Variants in ITPKB observed in about 807,000 individuals in gnomAD.
ITPKB encodes inositol-trisphosphate 3-kinase B, also known as IP3 3-kinase B.
In ITPKB, 13 loss-of-function variants were observed where a neutral mutation model predicts 69.4. The observed-to-expected ratio is 0.19, with a 90% CI of 0.12 to 0.30. The LOEUF (loss-of-function observed/expected upper bound fraction) is 0.30, where lower values mean the gene tolerates loss of function less well. Among genes scored for constraint, ITPKB ranks in the 10% least tolerant of loss-of-function variants. The probability of loss-of-function intolerance (pLI) is 1.00; values close to 1 mark genes in which losing one functional copy is unlikely to be tolerated. For synonymous variants in ITPKB, 584 were observed against 513.7 expected (o/e 1.14, Z -1.85); for missense variants, 1,240 against 1,250.5 (o/e 0.99, Z 0.13).
intron 2 of ITPKB, among the ~76,000 whole-genome samples, chr1:226,660,636 A>AGGCCTCGCAGAGCTCACACCAGG (rs539792165): frequency 3.9e-5 from 6 of 152,148 alleles, no homozygotes; most frequent in South Asian, 2.1e-4. Context: ...TGCTGAACAG[A>AGGCCTCGCAGAGCTCACACCAGG]GGCCTCGCAG....
intron 3 of ITPKB, 64 bp from the exon 4 acceptor site, chr1:226,647,444 C>G (rs1281300262): frequency 2.4e-6 from 3 of 1,254,006 alleles, no homozygotes; most frequent in Non-Finnish European, 3.4e-6. Context: ...GGCACCCTCC[C>G]CAGCACAGGG....
At chr1:226,635,042 C>T (rs552139561) in intron 7 of ITPKB, among the ~76,000 whole-genome samples, 156 bp from the exon 8 acceptor site, 4 of 152,294 alleles carry the variant, frequency 2.6e-5, no homozygotes, top group Admixed American at 6.5e-5. Context: ...GCAGCAGAGC[C>T]GGCCCAAGAA....
chr1:226,645,693 T>G (rs778786226), intron 4 of ITPKB, among the ~76,000 whole-genome samples: 3 of 152,172 alleles, frequency 2.0e-5, no homozygotes, highest in Non-Finnish European at 4.4e-5. Flanking sequence ...CACCAGTGGA[T>G]GCCATCCTGG....
intron 2 of ITPKB, among the ~76,000 whole-genome samples, chr1:226,731,812 C>T (rs1177376647): frequency 6.6e-6 from 1 of 152,080 alleles, no homozygotes; most frequent in Non-Finnish European, 1.5e-5. Context: ...AAGAAGGGTA[C>T]CCCATCTTCA....
At chr1:226,716,428 A>C (rs1657097721) in intron 2 of ITPKB, among the ~76,000 whole-genome samples, 1 of 151,632 alleles carries the variant, frequency 6.6e-6, no homozygotes, top group Non-Finnish European at 1.5e-5. Flanking sequence ...ATTTTATTTG[A>C]AGTTCTAGGA....
At chr1:226,691,017 A>G (rs1049381481) in intron 2 of ITPKB, among the ~76,000 whole-genome samples, 2 of 152,210 alleles carry the variant, frequency 1.3e-5, no homozygotes, top group African/African-American at 4.8e-5. Context: ...AAAATAGGCA[A>G]ATTCACAAAG....
At position 226,637,888 on chromosome 1, in the gene ITPKB, G is replaced by A. The variant is rs984868975; in HGVS notation, c.2554-138C>T. ...CGGACATCTAGAGGCAGCTTCCTGC[G>A]AGCAGGGCTGCTGTGGCGTCTTTCT... On this transcript the variant is annotated intron_variant, in intron 6 of 7. Transcript: ENST00000429204. This position sits in a 1 kb window ranked among gnomAD's most constrained non-coding sequence, Gnocchi z 4.3. 1.8e-5 allele frequency: 12 copies of A among 669,394 alleles called. No individual in the cohort carries two copies. The highest frequency in any genetic ancestry group is 2.2e-5 in the Non-Finnish European group (8 of 368,460). 41.5% of individuals were successfully genotyped at this position (669,394 alleles called of 1,614,324 possible).
intron 2 of ITPKB, among the ~76,000 whole-genome samples, chr1:226,718,742 T>C (rs1178805061): frequency 6.6e-6 from 1 of 152,236 alleles, no homozygotes; most frequent in African/African-American, 2.4e-5. Context: ...GTGGAGAAGC[T>C]GCAGCACTCA....
chr1:226,679,961 G>A (rs906608175), intron 2 of ITPKB, among the ~76,000 whole-genome samples: 2 of 152,150 alleles, frequency 1.3e-5, no homozygotes, highest in Admixed American at 1.3e-4. Flanking sequence ...GGGAGAAAAG[G>A]GAACTGCAAA....
At chr1:226,704,097 C>T (rs907150310) in intron 2 of ITPKB, among the ~76,000 whole-genome samples, 10 of 152,154 alleles carry the variant, frequency 6.6e-5, no homozygotes, top group Non-Finnish European at 1.2e-4. Flanking sequence ...GAGGGTCGGA[C>T]TCTAAATACT....
chr1:226,690,956 G>A (rs1456958064), intron 2 of ITPKB, among the ~76,000 whole-genome samples: 1 of 152,156 alleles, frequency 6.6e-6, no homozygotes, highest in Non-Finnish European at 1.5e-5. Flanking sequence ...CATGAAATAA[G>A]CCAGACACAA....
chr1:226,638,975 T>G (rs976603727), intron 6 of ITPKB, among the ~76,000 whole-genome samples: 3 of 151,484 alleles, frequency 2.0e-5, no homozygotes, highest in Admixed American at 6.6e-5. Flanking sequence ...GCACATCGCC[T>G]TCTTCTTTAC....
intron 2 of ITPKB, among the ~76,000 whole-genome samples, chr1:226,687,229 T>C (rs949020475): frequency 6.6e-6 from 1 of 152,128 alleles, no homozygotes; most frequent in Non-Finnish European, 1.5e-5. Context: ...AAGGCAGAAA[T>C]AGTGCAGAAT....
chr1:226,674,127 G>A (rs976470949), intron 2 of ITPKB, among the ~76,000 whole-genome samples: 3 of 152,162 alleles, frequency 2.0e-5, no homozygotes, highest in African/African-American at 7.2e-5. Context: ...AAAGCTGTAA[G>A]AAAAACTGAG....
intron 2 of ITPKB, among the ~76,000 whole-genome samples, chr1:226,655,247 G>A (rs778647328): frequency 3.3e-5 from 5 of 152,236 alleles, no homozygotes; most frequent in Non-Finnish European, 5.9e-5. Flanking sequence ...AAATGAAAAT[G>A]AGGGGTCCCT....
intron 2 of ITPKB, among the ~76,000 whole-genome samples, chr1:226,667,853 T>TGTGTGTGTGC (rs1491424205): frequency 7.1e-6 from 1 of 141,666 alleles, no homozygotes; most frequent in African/African-American, 2.6e-5. Context: ...TGTGTGTGTG[T>TGTGTGTGTGC]GCGCGCGCGC....
intron 2 of ITPKB, among the ~76,000 whole-genome samples, chr1:226,654,458 C>T (rs1410368386): frequency 2.0e-5 from 3 of 152,184 alleles, no homozygotes; most frequent in African/African-American, 7.2e-5. Context: ...TTCCCCTTTT[C>T]CCAGAAGTTC....
At chr1:226,652,967 T>G (rs1669225515) in intron 2 of ITPKB, among the ~76,000 whole-genome samples, 1 of 152,112 alleles carries the variant, frequency 6.6e-6, no homozygotes, top group Admixed American at 6.5e-5. Context: ...GGGGACTTGC[T>G]GCTGGCCGGC....
At chr1:226,731,639 C>A (rs1369715166) in intron 2 of ITPKB, among the ~76,000 whole-genome samples, 1 of 152,094 alleles carries the variant, frequency 6.6e-6, no homozygotes, top group Non-Finnish European at 1.5e-5. Flanking sequence ...AGAAGCAGAG[C>A]CCATGAGTGT....
Sources: allele counts gnomAD v4.1 joint callset (sites outside exome capture counted in the v4.1 genomes callset), GRCh38; gene constraint gnomAD v4.1.1; non-coding constraint Gnocchi (gnomAD v3.1); transcripts MANE v1.5; gene names NCBI Gene and HGNC (gene_info 2026-07-23, HGNC 2026-07-21).